CPQ: variants seen among roughly 807,000 people sequenced by gnomAD.
CPQ encodes the protein carboxypeptidase Q, also known as Ser-Met dipeptidase.
A neutral mutation model predicts 45.7 loss-of-function variants in CPQ; 37 were observed. The observed-to-expected ratio is 0.81, with a 90% CI of 0.62 to 1.07. CPQ has a LOEUF of 1.07. CPQ is among the 50% of genes least tolerant of loss of function. The pLI is 0.00. For missense variants in CPQ, 537 were observed against 572.9 expected, an observed-to-expected ratio of 0.94 and a Z score of 0.64; for synonymous variants, 186 against 205.8, an observed-to-expected ratio of 0.90 and a Z score of 0.82.
intron 4 of CPQ, among the ~76,000 whole-genome samples, chr8:96,890,468 G>T (rs1812358151): frequency 6.6e-6 from 1 of 152,190 alleles, no homozygotes; most frequent in African/African-American, 2.4e-5. Context: ...TGGGCCATTT[G>T]TAGTCATGCC....
intron 1 of CPQ, among the ~76,000 whole-genome samples, chr8:96,690,072 T>C (rs1217547846): frequency 1.3e-5 from 2 of 152,160 alleles, no homozygotes; most frequent in Non-Finnish European, 2.9e-5. Context: ...TGCCTTGCCT[T>C]ATTTTACTTG....
intron 5 of CPQ, among the ~76,000 whole-genome samples, chr8:96,985,103 A>G (rs1399806645): frequency 6.6e-6 from 1 of 152,070 alleles, no homozygotes. Flanking sequence ...CAGAATTTGG[A>G]AGATATTATT....
intron 2 of CPQ, among the ~76,000 whole-genome samples, chr8:96,833,539 T>C (rs1247387268): frequency 6.6e-6 from 1 of 152,200 alleles, no homozygotes. Flanking sequence ...TCCCATACTA[T>C]GCCAACAATA....
At chr8:96,692,816 C>T (rs191438220) in intron 1 of CPQ, among the ~76,000 whole-genome samples, 5 of 152,130 alleles carry the variant, frequency 3.3e-5, no homozygotes, top group African/African-American at 9.6e-5. Flanking sequence ...GGATCAAGAC[C>T]GTCCAGAAAA....
At position 96,968,049 on chromosome 8, in the gene CPQ, A is replaced by T. The variant is rs187023822; in HGVS notation, c.961+2003A>T. On this transcript the variant is annotated intron_variant, in intron 5 of 7. Transcript: ENST00000220763. ...CAGTACCATTTTTTTAATATAAGAG[A>T]AGATGATAATTTAGTTTACCTCCAT... Among the ~76,000 whole-genome samples, 342 of 152,300 alleles carry T rather than the reference A, an allele frequency of 2.2e-3. 4 individuals are homozygous for T. Among genetic ancestry groups the T allele is most frequent in the South Asian group, 0.019 (94 of 4,830 alleles).
At chr8:96,731,721 G>C (rs922327770) in intron 1 of CPQ, among the ~76,000 whole-genome samples, 3 of 152,182 alleles carry the variant, frequency 2.0e-5, no homozygotes, top group Admixed American at 2.0e-4. Flanking sequence ...AGGGCTGGGG[G>C]TGTTGAGGTG....
At chr8:96,961,517 T>C (rs1202113787) in intron 4 of CPQ, among the ~76,000 whole-genome samples, 9 of 152,236 alleles carry the variant, frequency 5.9e-5, no homozygotes, top group Admixed American at 5.9e-4. Flanking sequence ...CTATGATTTC[T>C]CTTGATGAAC....
At chr8:96,905,633 G>A (rs1812565788) in intron 4 of CPQ, among the ~76,000 whole-genome samples, 1 of 152,030 alleles carries the variant, frequency 6.6e-6, no homozygotes, top group Non-Finnish European at 1.5e-5. Context: ...AAGAAACAAG[G>A]CTTTCTCCCA....
intron 2 of CPQ, among the ~76,000 whole-genome samples, chr8:96,805,533 C>T (rs1326110795): frequency 1.3e-5 from 2 of 152,294 alleles, no homozygotes; most frequent in East Asian, 1.9e-4. Flanking sequence ...TTACCGCACT[C>T]AGAGCCTGGC....
At chr8:96,808,760 A>G (rs1406002432) in intron 2 of CPQ, among the ~76,000 whole-genome samples, 1 of 152,164 alleles carries the variant, frequency 6.6e-6, no homozygotes, top group Non-Finnish European at 1.5e-5. Flanking sequence ...GGTGACCAAC[A>G]TTGTTAACTT....
chr8:96,757,460 T>TA (rs1224060685), intron 1 of CPQ, among the ~76,000 whole-genome samples: 1 of 151,074 alleles, frequency 6.6e-6, no homozygotes, highest in Non-Finnish European at 1.5e-5. Context: ...CTGTTCCTAA[T>TA]AAAAAGCCTG....
At chr8:96,646,572 C>T (rs1230230902) in intron 1 of CPQ, among the ~76,000 whole-genome samples, 1 of 152,216 alleles carries the variant, frequency 6.6e-6, no homozygotes, top group Non-Finnish European at 1.5e-5. Context: ...AACAAATAGG[C>T]TTAGCACATA....
intron 1 of CPQ, among the ~76,000 whole-genome samples, chr8:96,763,152 C>T (rs920782054): frequency 2.0e-5 from 3 of 152,016 alleles, no homozygotes; most frequent in Admixed American, 6.6e-5. Flanking sequence ...TAGGACCTAC[C>T]CAAATGAACT....
At position 96,785,002 on chromosome 8, in the gene CPQ, A is replaced by G. The variant is rs373100921; in HGVS notation, c.105A>G (p.Glu35=). Residue 35 remains glutamate, a synonymous_variant, in exon 2 of 8, where the codon GAA becomes GAG. Transcript: ENST00000220763. Reference sequence around the variant, plus strand: ...GCATCTCTAAGAGGACTTTTGAAGAAATAAAAGAAGAAATAGCCAGCTGTG... The same window carrying G: ...GCATCTCTAAGAGGACTTTTGAAGAGATAAAAGAAGAAATAGCCAGCTGTG... ...KNGISKRTFE[E]IKEEIASCGD... 4.3e-5 allele frequency: 70 copies of G among 1,613,824 alleles called. No individual in the cohort carries two copies. The Middle Eastern group carries it at 6.6e-4, about 15-fold the overall frequency.
intron 1 of CPQ, among the ~76,000 whole-genome samples, chr8:96,701,930 C>T (rs1167850421): frequency 6.6e-6 from 1 of 152,182 alleles, no homozygotes; most frequent in Non-Finnish European, 1.5e-5. Context: ...CCATATTCTC[C>T]AGCTTGGAGA....
At chr8:96,889,619 G>T (rs184805013) in intron 4 of CPQ, among the ~76,000 whole-genome samples, 2 of 152,284 alleles carry the variant, frequency 1.3e-5, no homozygotes, top group Admixed American at 1.3e-4. Flanking sequence ...GCCAGCAGTG[G>T]ATCATCCCGA....
At chr8:97,050,662 G>C (rs560422841) in intron 6 of CPQ, among the ~76,000 whole-genome samples, 1 of 152,138 alleles carries the variant, frequency 6.6e-6, no homozygotes, top group Non-Finnish European at 1.5e-5. Flanking sequence ...CCCAGGGTTT[G>C]TGATCAGCCT....
intron 7 of CPQ, among the ~76,000 whole-genome samples, chr8:97,125,821 G>C (rs886339509): frequency 5.3e-5 from 8 of 152,154 alleles, no homozygotes; most frequent in African/African-American, 1.7e-4. Flanking sequence ...AAAGATTCCC[G>C]TTCTCACCAC....
intron 4 of CPQ, among the ~76,000 whole-genome samples, chr8:96,962,696 A>G (rs974402001): frequency 1.3e-5 from 2 of 152,162 alleles, no homozygotes; most frequent in Non-Finnish European, 2.9e-5. Context: ...TTGTGAGGTA[A>G]CATTAAGGAA....
Sources: gnomAD v4.1 joint callset for allele counts (sites outside exome capture counted in the v4.1 genomes callset) on GRCh38, gnomAD v4.1.1 for gene constraint, MANE v1.5 for transcripts, NCBI Gene and HGNC (gene_info 2026-07-23, HGNC 2026-07-21) for gene names.